The following IL17RB variants were observed in gnomAD, a reference collection of about 807,000 sequenced individuals.
IL17RB encodes the protein interleukin-17 receptor B.
In IL17RB, 36 loss-of-function variants were observed where a neutral mutation model predicts 43.9. That is an observed-to-expected ratio of 0.82 (90% confidence interval 0.63 to 1.08). The LOEUF is 1.08. Among genes scored for constraint, IL17RB ranks in the 50% least tolerant of loss-of-function variants. The probability of loss-of-function intolerance (pLI) is 0.00; values close to 1 mark genes in which losing one functional copy is unlikely to be tolerated. For missense variants in IL17RB, 613 were observed against 613.6 expected, an observed-to-expected ratio of 1.00 and a Z score of 0.01; for synonymous variants, 225 against 225.4, an observed-to-expected ratio of 1.00 and a Z score of 0.02.
intron 2 of IL17RB, 75 bp downstream of exon 2, chr3:53,848,763 G>A: frequency 6.9e-7 from 1 of 1,458,042 alleles, no homozygotes; most frequent in South Asian, 1.1e-5. Flanking sequence ...GCCTAATATA[G>A]GCAATAGGTC....
intron 8 of IL17RB, 81 bp downstream of exon 8, chr3:53,857,771 T>C: frequency 7.9e-7 from 1 of 1,269,724 alleles, no homozygotes; most frequent in Non-Finnish European, 1.1e-6. Context: ...GGATGAGTTC[T>C]CTCTTGTCAA....
intron 9 of IL17RB, chr3:53,859,676 G>A (rs1699487099): frequency 6.5e-6 from 1 of 153,784 alleles, no homozygotes; most frequent in African/African-American, 2.4e-5. Context: ...TTCCTACTGT[G>A]AAAATGCCGG....
At chr3:53,858,288 C>T (rs1014447179) in intron 8 of IL17RB, 5 of 951,934 alleles carry the variant, frequency 5.3e-6, no homozygotes, top group East Asian at 1.1e-4. Flanking sequence ...GGGGCAGGCA[C>T]CAGCCAGGGT....
In IL17RB at chr3:53,853,014, G is replaced by A. The variant is rs763343793; in HGVS notation, c.481+17G>A. On this transcript the variant is annotated intron_variant, in intron 5 of 10. Coordinates refer to ENST00000288167, the MANE Select transcript of IL17RB (RefSeq NM_018725.4). ...CCTCACCAGGTAAACTTCCTCATTTGTTTATTATTCTTTGTCTTGCTGGGA... is the reference window on the plus strand; with the variant it reads ...CCTCACCAGGTAAACTTCCTCATTTATTTATTATTCTTTGTCTTGCTGGGA... 1.1e-5 allele frequency: 17 copies of A among 1,613,780 alleles called. No individual in the cohort carries two copies. The East Asian group carries it at 3.3e-4, about 32-fold the overall frequency.
chr3:53,862,885 TC>T (rs1186182797), intron 10 of IL17RB, among the ~76,000 whole-genome samples: 4 of 152,160 alleles, frequency 2.6e-5, no homozygotes, highest in African/African-American at 7.2e-5. Flanking sequence ...AATTATGATG[TC>T]TTTCTGTAAA....
At position 53,852,889 on chromosome 3, in the gene IL17RB, G is replaced by A. The variant is rs373456676; in HGVS notation, c.373G>A (p.Gly125Ser). 9 of 1,613,572 alleles carry A rather than the reference G, an allele frequency of 5.6e-6. No homozygotes were observed. The highest frequency in any genetic ancestry group is 4.0e-5 in the African/African-American group (3 of 74,874). Residue 125 changes from glycine (G) to serine (S), a missense_variant, in exon 5 of 11, where the codon GGC (glycine) becomes AGC (serine). By Grantham distance (56) the Gly-to-Ser change is moderately conservative (BLOSUM62 0). Transcript: ENST00000288167. The part of the protein sequence containing the change: ...SGGKWTFSYI[G>S]FPVELNTVYF... ...CTTTCAGTGGACATTTTCCTACATC[G>A]GCTTCCCTGTAGAGCTGAACACAGT... is the stretch of plus-strand genomic sequence containing the variant.
Position 53,864,849 on chromosome 3 carries a change from C to G in IL17RB, c.1050C>G (p.Tyr350Ter). The G allele has an allele frequency of 6.2e-6, 10 of 1,614,174 alleles. No individual in the cohort carries two copies. The highest frequency in any genetic ancestry group is 8.5e-6 in the Non-Finnish European group (10 of 1,179,998). ...SEICFHHTIC[Y>*]FTEFLQNHCR... is the part of the protein sequence containing the mutation. Reference sequence around the variant, plus strand: ...TATGTTTCCATCACACAATTTGTTACTTCACTGAATTTCTTCAAAACCATT... The same window carrying G: ...TATGTTTCCATCACACAATTTGTTAGTTCACTGAATTTCTTCAAAACCATT... Residue 350 changes from tyrosine (Y) to a stop codon, truncating the protein, a stop_gained, in exon 11 of 11, where the codon TAC becomes TAG. Coordinates refer to ENST00000288167, the MANE Select transcript of IL17RB (RefSeq NM_018725.4). LOFTEE classifies it low-confidence loss of function (END_TRUNC).
At chr3:53,861,406 G>A (rs1014816197) in intron 10 of IL17RB, 18 of 152,058 alleles carry the variant, frequency 1.2e-4, no homozygotes, top group Admixed American at 1.1e-3. Context: ...TCCAGCGTAA[G>A]GACCATAGTC....
chr3:53,859,439 A>C (rs1456477852), intron 9 of IL17RB: 1 of 152,402 alleles, frequency 6.6e-6, no homozygotes, highest in East Asian at 1.9e-4. Flanking sequence ...AACCCAGGTG[A>C]CTGGCAGCCC....
chr3:53,851,907 A>G, intron 3 of IL17RB, 92 bp from the exon 4 acceptor site: 2 of 1,432,140 alleles, frequency 1.4e-6, no homozygotes, highest in South Asian at 2.4e-5. Flanking sequence ...GAACCGAGAC[A>G]TAAAATAAAG....
At chr3:53,851,420 G>A (rs1264400338) in intron 3 of IL17RB, among the ~76,000 whole-genome samples, 1 of 152,154 alleles carries the variant, frequency 6.6e-6, no homozygotes, top group Non-Finnish European at 1.5e-5. Flanking sequence ...GGTGAGATGT[G>A]GCCATAAGGG....
chr3:53,856,932 A>T lies in IL17RB; in HGVS notation c.618A>T (p.Arg206Ser), dbSNP rs771286552. 9 of 1,614,022 alleles carry T rather than the reference A, an allele frequency of 5.6e-6. No individual in the cohort carries two copies. Among genetic ancestry groups the T allele is most frequent in the Non-Finnish European group, 7.6e-6 (9 of 1,180,020 alleles). ...VNFTTTPLGN[R>S]YMALIQHSTI... ...TCACAACCACTCCCCTGGGAAACAG[A>T]TACATGGCTCTTATCCAACACAGCA... Residue 206 changes from arginine (R) to serine (S), a missense_variant, in exon 7 of 11, where the codon AGA (arginine) becomes AGT (serine). Arg to Ser is a moderately radical substitution (Grantham distance 110, BLOSUM62 -1). Transcript: ENST00000288167.
intron 4 of IL17RB, 111 bp from the exon 5 acceptor site, chr3:53,852,760 G>C (rs929970449): frequency 9.8e-7 from 1 of 1,020,776 alleles, no homozygotes; most frequent in Non-Finnish European, 1.4e-6. Flanking sequence ...GGAGACCTAA[G>C]TTTTCACAGA....
At chr3:53,846,716 T>C (rs564010620) in intron 1 of IL17RB, 68 bp downstream of exon 1, 1 of 1,475,354 alleles carries the variant, frequency 6.8e-7, no homozygotes, top group South Asian at 1.2e-5. Context: ...CGTCGTCTGA[T>C]CCGCCAGTCC....
chr3:53,853,035 T>C, intron 5 of IL17RB, 38 bp downstream of exon 5: 1 of 1,612,694 alleles, frequency 6.2e-7, no homozygotes, highest in Non-Finnish European at 8.5e-7. Flanking sequence ...TTTGTCTTGC[T>C]GGGATGCCTG....
At chr3:53,848,771 G>A in intron 2 of IL17RB, 83 bp downstream of exon 2, 3 of 1,394,508 alleles carry the variant, frequency 2.2e-6, no homozygotes, top group South Asian at 1.2e-5. Context: ...TAGGCAATAG[G>A]TCATCGAAGA....
chr3:53,860,025 T>C, intron 9 of IL17RB, 105 bp from the exon 10 acceptor site: 1 of 812,608 alleles, frequency 1.2e-6, no homozygotes, highest in Non-Finnish European at 1.9e-6. Context: ...TAAAAAATAA[T>C]AAAAAATAAA....
intron 10 of IL17RB, 50 bp from the exon 11 acceptor site, chr3:53,864,696 A>C: frequency 1.5e-6 from 2 of 1,357,934 alleles, no homozygotes; most frequent in Middle Eastern, 1.8e-4. Flanking sequence ...ACAGAGTGAA[A>C]GCCTGCTGTT....
chr3:53,858,906 A>G (rs1325387810), intron 9 of IL17RB, 88 bp downstream of exon 9: 2 of 1,076,830 alleles, frequency 1.9e-6, no homozygotes, highest in Non-Finnish European at 2.8e-6. Flanking sequence ...GGTTGTGTGT[A>G]TGTGGGCAGT....
Sources: allele counts gnomAD v4.1 joint callset (sites outside exome capture counted in the v4.1 genomes callset), GRCh38; gene constraint gnomAD v4.1.1; transcripts MANE v1.5; gene names NCBI Gene and HGNC (gene_info 2026-07-23, HGNC 2026-07-21).